The following CORO2B variants were observed in gnomAD, a reference collection of about 807,000 sequenced individuals.
CORO2B encodes coronin-2B.
A neutral mutation model predicts 58.8 loss-of-function variants in CORO2B; 26 were observed. That is an observed-to-expected ratio of 0.44 (90% CI 0.32 to 0.61). The LOEUF (loss-of-function observed/expected upper bound fraction) is 0.61. CORO2B is among the 20% of genes least tolerant of loss of function. The pLI, the probability that CORO2B is intolerant of heterozygous loss-of-function variation, is 0.04. For synonymous variants in CORO2B, 242 were observed against 253.8 expected, an observed-to-expected ratio of 0.95 and a Z score of 0.44; for missense variants, 460 against 645.1, an observed-to-expected ratio of 0.71 and a Z score of 3.11.
chr15:68,614,961 C>T (rs1244558155), intron 1 of CORO2B, among the ~76,000 whole-genome samples: 2 of 152,058 alleles, frequency 1.3e-5, no homozygotes, highest in Non-Finnish European at 2.9e-5. Context: ...GCTTGCTCCC[C>T]ACAGAGTCCT....
intron 1 of CORO2B, among the ~76,000 whole-genome samples, chr15:68,622,848 C>A (rs1308075729): frequency 6.6e-6 from 1 of 152,216 alleles, no homozygotes; most frequent in African/African-American, 2.4e-5. Context: ...TAGAATGATT[C>A]TCATTGAACA....
chr15:68,692,499 C>A (rs1892402897), intron 2 of CORO2B, among the ~76,000 whole-genome samples: 1 of 151,660 alleles, frequency 6.6e-6, no homozygotes, highest in African/African-American at 2.4e-5. Context: ...ACAGGAGAAT[C>A]GCTTGAACCC....
intron 4 of CORO2B, 135 bp downstream of exon 4, chr15:68,711,016 C>T (rs1892903933): frequency 3.9e-6 from 4 of 1,034,154 alleles, no homozygotes; most frequent in Admixed American, 3.2e-5. Flanking sequence ...TTCATTCATT[C>T]ATTCATTCGC....
At chr15:68,713,668 G>C (rs140047835) in intron 5 of CORO2B, among the ~76,000 whole-genome samples, 1 of 152,184 alleles carries the variant, frequency 6.6e-6, no homozygotes, top group African/African-American at 2.4e-5. Context: ...CTTCTCCCCT[G>C]TGTGTCTCTG....
intron 1 of CORO2B, among the ~76,000 whole-genome samples, chr15:68,623,121 C>T (rs558043386): frequency 1.3e-5 from 2 of 152,142 alleles, no homozygotes; most frequent in Non-Finnish European, 2.9e-5. Context: ...GCCGAGATCA[C>T]GCTACTGCAC....
At chr15:68,656,277 G>A (rs984851246) in intron 2 of CORO2B, among the ~76,000 whole-genome samples, 2 of 151,110 alleles carry the variant, frequency 1.3e-5, no homozygotes, top group African/African-American at 4.9e-5. Flanking sequence ...AGCCTCACGT[G>A]TCAAGAGACA....
At chr15:68,594,384 C>T (rs1420397011) in intron 1 of CORO2B, among the ~76,000 whole-genome samples, 1 of 152,180 alleles carries the variant, frequency 6.6e-6, no homozygotes. Flanking sequence ...TAGGTGGAGG[C>T]GCTTTTGGTA....
chr15:68,712,026 C>G (rs1892932005), intron 5 of CORO2B, among the ~76,000 whole-genome samples: 3 of 152,274 alleles, frequency 2.0e-5, no homozygotes, highest in African/African-American at 4.8e-5. Context: ...CCCAGGTCCA[C>G]CACAGGCACA....
chr15:68,691,130 C>T (rs1332469059), intron 2 of CORO2B, among the ~76,000 whole-genome samples: 2 of 150,716 alleles, frequency 1.3e-5, no homozygotes, highest in East Asian at 4.0e-4. Flanking sequence ...GAGATCGAGA[C>T]CATCCTGGCT....
chr15:68,632,887 C>A (rs955373645), intron 1 of CORO2B, among the ~76,000 whole-genome samples: 4 of 152,188 alleles, frequency 2.6e-5, no homozygotes, highest in African/African-American at 9.7e-5. Context: ...CCACCACACC[C>A]GGCCAATAAA....
At chr15:68,524,707 T>G in the CORO2B span, among the ~76,000 whole-genome samples, 1 of 152,228 alleles carries the variant, frequency 6.6e-6, no homozygotes, top group African/African-American at 2.4e-5. Flanking sequence ...AAAATTTAGC[T>G]CTTCCAGCTC....
the CORO2B span, among the ~76,000 whole-genome samples, chr15:68,571,613 G>A: frequency 6.6e-6 from 1 of 152,116 alleles, no homozygotes; most frequent in South Asian, 2.1e-4. Flanking sequence ...ACCTCATATA[G>A]GCCAAGAATT....
intron 1 of CORO2B, among the ~76,000 whole-genome samples, chr15:68,608,488 C>T (rs1241531016): frequency 6.6e-6 from 1 of 152,252 alleles, no homozygotes; most frequent in African/African-American, 2.4e-5. Context: ...CAGGGAGCCC[C>T]CATCCACTTC....
At chr15:68,575,586 T>TCCCC (rs1484571359), upstream of CORO2B, among the ~76,000 whole-genome samples, 2 of 22,322 alleles carry the variant, frequency 9.0e-5, no homozygotes, top group African/African-American at 2.8e-4. Flanking sequence ...TGCCCCCGCC[T>TCCCC]CGGCCTCCCA....
chr15:68,600,895 A>G (rs971909163), intron 1 of CORO2B, among the ~76,000 whole-genome samples: 3 of 152,056 alleles, frequency 2.0e-5, no homozygotes, highest in African/African-American at 7.2e-5. Flanking sequence ...TTTCCCCACA[A>G]CCACAACACC....
chr15:68,549,340 C>T, the CORO2B span, among the ~76,000 whole-genome samples: 1 of 151,496 alleles, frequency 6.6e-6, no homozygotes, highest in Non-Finnish European at 1.5e-5. Flanking sequence ...CTGGAGTTTA[C>T]ACTGGGGTCT....
intron 1 of CORO2B, among the ~76,000 whole-genome samples, chr15:68,636,133 A>G (rs1901025056): frequency 6.6e-6 from 1 of 152,222 alleles, no homozygotes. Context: ...GCAGGATATA[A>G]TGAATGTAGA....
chr15:68,704,304 G>C (rs1892732716), intron 3 of CORO2B, among the ~76,000 whole-genome samples: 1 of 151,832 alleles, frequency 6.6e-6, no homozygotes, highest in Non-Finnish European at 1.5e-5. Context: ...ACTTGGGTAT[G>C]ATCCCTAATT....
chr15:68,554,647 C>A, the CORO2B span, among the ~76,000 whole-genome samples: 1 of 152,236 alleles, frequency 6.6e-6, no homozygotes, highest in Admixed American at 6.5e-5. Context: ...CCAGGCACTT[C>A]ACCCACATCA....
Sources: allele counts gnomAD v4.1 joint callset (sites outside exome capture counted in the v4.1 genomes callset), GRCh38; gene constraint gnomAD v4.1.1; transcripts MANE v1.5; gene names NCBI Gene and HGNC (gene_info 2026-07-23, HGNC 2026-07-21).